Variants in SOHLH2 observed in about 807,000 individuals in gnomAD.
SOHLH2 encodes spermatogenesis- and oogenesis-specific basic helix-loop-helix-containing protein 2.
Under a neutral mutation model 50.4 loss-of-function variants are expected in SOHLH2, and 22 were observed. The ratio of observed to expected loss-of-function variants is 0.44; its 90% CI spans 0.31 to 0.62. SOHLH2 has a LOEUF of 0.62. Among genes scored for constraint, SOHLH2 ranks in the 20% least tolerant of loss-of-function variants. SOHLH2 has a pLI of 0.08. For missense variants in SOHLH2, 412 were observed against 504.4 expected, an observed-to-expected ratio of 0.82 and a Z score of 1.76; for synonymous variants, 185 against 187.3, an observed-to-expected ratio of 0.99 and a Z score of 0.10.
At chr13:36,197,251 C>T (rs879764252) in intron 2 of SOHLH2, among the ~76,000 whole-genome samples, 2 of 152,146 alleles carry the variant, frequency 1.3e-5, no homozygotes, top group African/African-American at 4.8e-5. Context: ...TGAGGCTACA[C>T]CTCACTTTTG....
chr13:36,172,148 T>C (rs1398422426), intron 9 of SOHLH2, among the ~76,000 whole-genome samples: 1 of 152,176 alleles, frequency 6.6e-6, no homozygotes, highest in African/African-American at 2.4e-5. Context: ...ATTGGTCTCC[T>C]TAGGGGAGGC....
At chr13:36,176,224 A>G (rs2138271686) in intron 6 of SOHLH2, among the ~76,000 whole-genome samples, 1 of 152,336 alleles carries the variant, frequency 6.6e-6, no homozygotes, top group African/African-American at 2.4e-5. Context: ...AACATCCAGT[A>G]CAGTTATTTC....
At chr13:36,183,564 A>C (rs1172872153) in intron 6 of SOHLH2, among the ~76,000 whole-genome samples, 3 of 152,212 alleles carry the variant, frequency 2.0e-5, no homozygotes, top group Non-Finnish European at 4.4e-5. Flanking sequence ...GATTAGACTA[A>C]TGAACACAAA....
At chr13:36,203,957 T>G (rs1313153455) in intron 1 of SOHLH2, among the ~76,000 whole-genome samples, 4 of 26,170 alleles carry the variant, frequency 1.5e-4, no homozygotes, top group Non-Finnish European at 3.6e-4. Flanking sequence ...TTTTTTTGTT[T>G]TTTTTTTTTT....
chr13:36,188,203 T>C (rs77716464), intron 6 of SOHLH2, among the ~76,000 whole-genome samples: 15 of 152,186 alleles, frequency 9.9e-5, no homozygotes, highest in Non-Finnish European at 1.5e-4. Flanking sequence ...GTTAATGTCA[T>C]GTAGGCAGAA....
At chr13:36,182,497 G>A (rs973235115) in intron 6 of SOHLH2, 1 of 160,658 alleles carries the variant, frequency 6.2e-6, no homozygotes, top group Non-Finnish European at 1.3e-5. Context: ...GGAATCCTAA[G>A]CCTTCATGTA....
intron 10 of SOHLH2, 30 bp downstream of exon 10, chr13:36,170,501 A>G: frequency 6.2e-7 from 1 of 1,606,716 alleles, no homozygotes; most frequent in South Asian, 1.1e-5. Context: ...GAAAGGGTCC[A>G]ATCTGATCCA....
At chr13:36,213,960 C>T (rs1172884619) in intron 1 of SOHLH2, among the ~76,000 whole-genome samples, 3 of 151,878 alleles carry the variant, frequency 2.0e-5, no homozygotes, top group East Asian at 3.9e-4. Context: ...AGAGTGCCTA[C>T]TAAATTGTGT....
rs1286915577 is a variant in SOHLH2 at position 36,208,500 on chromosome 13, GT to G, written c.48+5978del. ...ATACATAGCCATTTTCAATTAAGAT[GT>G]AGAGTTAATCTAAATCTACAGCCTC... On this transcript the variant is annotated intron_variant, in intron 1 of 10. Transcript: ENST00000379881. 5.3e-5 allele frequency among the ~76,000 whole-genome samples: 8 copies of G among 152,230 alleles called. 1 individual carries two copies. Among genetic ancestry groups the G allele is most frequent in the African/African-American group, 1.9e-4 (8 of 41,556 alleles).
chr13:36,182,096 T>C, intron 6 of SOHLH2: 1 of 985,350 alleles, frequency 1.0e-6, no homozygotes, highest in Non-Finnish European at 1.2e-6. Context: ...TGCTAAGATT[T>C]CTACTACAGA....
chr13:36,194,348 A>T (rs1408359082), intron 2 of SOHLH2, among the ~76,000 whole-genome samples: 1 of 152,240 alleles, frequency 6.6e-6, no homozygotes, highest in Admixed American at 6.5e-5. Flanking sequence ...GATATTTGAC[A>T]ATACTAAGAA....
In SOHLH2 at chr13:36,173,786, G is replaced by A. The variant is rs150073675; in HGVS notation, c.906C>T (p.Tyr302=). 293 of 1,614,096 alleles carry A rather than the reference G, an allele frequency of 1.8e-4. No homozygotes were observed. In the African/African-American group the frequency reaches 3.3e-3, roughly 18 times the overall value. ...AQRENSVMST[Y]SPERGLQFLT... is the part of the protein sequence containing the mutation. ...GGAATTGGAGCCCTCTCTCAGGGGA[G>A]TAAGTGCTCATCACACTGTTTTCCC... is the stretch of plus-strand genomic sequence containing the variant. Residue 302 remains tyrosine (Y), a synonymous_variant, in exon 9 of 11, where the codon TAC becomes TAT. Transcript: ENST00000379881.
intron 8 of SOHLH2, 29 bp from the exon 9 acceptor site, chr13:36,173,839 C>A: frequency 6.2e-7 from 1 of 1,612,614 alleles, no homozygotes; most frequent in Non-Finnish European, 8.5e-7. Context: ...ATTATTTGCA[C>A]ATTTTTCAAG....
At chr13:36,179,575 ATTT>A (rs923897382) in intron 6 of SOHLH2, among the ~76,000 whole-genome samples, 2 of 151,514 alleles carry the variant, frequency 1.3e-5, no homozygotes, top group Non-Finnish European at 2.9e-5. Flanking sequence ...AACCTGGCTA[ATTT>A]TTTTATTTTT....
At chr13:36,191,189 A>G (rs529290846) in intron 5 of SOHLH2, among the ~76,000 whole-genome samples, 1 of 152,312 alleles carries the variant, frequency 6.6e-6, no homozygotes, top group Admixed American at 6.5e-5. Flanking sequence ...CCAGGTTTGA[A>G]TGCCAGTTCT....
At chr13:36,200,786 C>T (rs1016753207) in intron 2 of SOHLH2, among the ~76,000 whole-genome samples, 20 of 152,010 alleles carry the variant, frequency 1.3e-4, no homozygotes, top group African/African-American at 4.4e-4. Context: ...CATGGTGGCT[C>T]ACCCCTGTAA....
Position 36,193,872 on chromosome 13 carries a change from G to C in SOHLH2, c.264-5C>G. ...GTATTTTTCTTTTTGCCAAATCTGAGAGAGGAAAGAAAATGTTAAAATGAA... is the reference window on the plus strand; with the variant it reads ...GTATTTTTCTTTTTGCCAAATCTGACAGAGGAAAGAAAATGTTAAAATGAA... On this transcript the variant is annotated splice_region_variant and splice_polypyrimidine_tract_variant and intron_variant, in intron 2 of 10. Transcript: ENST00000379881. The C allele has an allele frequency of 1.3e-6, 2 of 1,591,634 alleles. No individual in the cohort carries two copies. The highest frequency in any genetic ancestry group is 8.5e-7 in the Non-Finnish European group (1 of 1,174,376).
chr13:36,202,142 G>C (rs1439422017), intron 1 of SOHLH2, 49 bp from the exon 2 acceptor site: 1 of 1,602,516 alleles, frequency 6.2e-7, no homozygotes, highest in East Asian at 2.2e-5. Context: ...CCTAGGCATA[G>C]GGAAAATGTC....
intron 6 of SOHLH2, among the ~76,000 whole-genome samples, chr13:36,185,391 C>A (rs202059746): frequency 6.6e-6 from 1 of 151,944 alleles, no homozygotes; most frequent in East Asian, 1.9e-4. Context: ...TGCTTGAACC[C>A]GGGAGGCAGA....
Sources: gnomAD v4.1 joint callset for allele counts (sites outside exome capture counted in the v4.1 genomes callset) on GRCh38, gnomAD v4.1.1 for gene constraint, MANE v1.5 for transcripts, NCBI Gene and HGNC (gene_info 2026-07-23, HGNC 2026-07-21) for gene names.